CELF4: variants seen among roughly 807,000 people sequenced by gnomAD.
CELF4 encodes the protein CUG-BP- and ETR-3-like factor 4.
A neutral mutation model predicts 59.9 loss-of-function variants in CELF4; 18 were observed. The observed-to-expected ratio is 0.30, with a 90% CI of 0.21 to 0.45. The LOEUF (loss-of-function observed/expected upper bound fraction) is 0.45. CELF4 is among the 20% of genes least tolerant of loss of function. CELF4 has a pLI of 1.00. For synonymous variants in CELF4, 261 were observed against 267.1 expected (o/e 0.98, Z 0.22); for missense variants, 456 against 689.0 (o/e 0.66, Z 3.79).
At chr18:37,517,824 G>T (rs1475111445) in intron 1 of CELF4, among the ~76,000 whole-genome samples, 2 of 152,298 alleles carry the variant, frequency 1.3e-5, no homozygotes, top group African/African-American at 2.4e-5. Context: ...AAGGAAGGAG[G>T]CACCTTCCAT....
intron 9 of CELF4, among the ~76,000 whole-genome samples, chr18:37,264,998 C>T (rs1167929729): frequency 2.0e-5 from 3 of 147,556 alleles, no homozygotes; most frequent in South Asian, 2.2e-4. Flanking sequence ...ACATTACATG[C>T]ATACATGCAT....
chr18:37,408,819 C>T (rs1014794169), intron 2 of CELF4, among the ~76,000 whole-genome samples: 18 of 152,172 alleles, frequency 1.2e-4, no homozygotes, highest in Non-Finnish European at 1.9e-4. Context: ...GTACAGGTAT[C>T]GCCGCCTGCT....
chr18:37,509,900 C>T (rs982683488), intron 1 of CELF4, among the ~76,000 whole-genome samples: 1 of 152,154 alleles, frequency 6.6e-6, no homozygotes, highest in Non-Finnish European at 1.5e-5. Flanking sequence ...TGAAAGAAGC[C>T]AGACACAAGA....
At position 37,274,808 on chromosome 18, in the gene CELF4, C is replaced by A. The variant is rs865904398; in HGVS notation, c.654G>T (p.Met218Ile). Reference protein sequence around the residue: ...AINALHGSQTMPGASSSLVVK... With the variant: ...AINALHGSQTIPGASSSLVVK... ...GCCCCAAGGGGCCAGCACTCACCGG[C>A]ATGGTCTGGCTGCCGTGTAGCGCGT... is the stretch of plus-strand genomic sequence containing the variant. Residue 218 changes from methionine to isoleucine, a missense_variant, in exon 5 of 13, where the codon ATG (methionine) becomes ATT (isoleucine). Transcript: ENST00000420428. 6.3e-7 allele frequency: 1 copy of A among 1,597,820 alleles called. No individual in the cohort carries two copies. Among genetic ancestry groups the A allele is most frequent in the South Asian group, 1.1e-5 (1 of 88,890 alleles).
At chr18:37,491,658 G>C (rs1430872968) in intron 1 of CELF4, among the ~76,000 whole-genome samples, 1 of 152,164 alleles carries the variant, frequency 6.6e-6, no homozygotes, top group East Asian at 1.9e-4. Context: ...GGGAGAAGGA[G>C]TGTGTGGCAG....
chr18:37,291,570 T>C (rs1437239424), intron 3 of CELF4, among the ~76,000 whole-genome samples: 2 of 152,154 alleles, frequency 1.3e-5, no homozygotes, highest in African/African-American at 4.8e-5. Flanking sequence ...GCCTAGTCTC[T>C]CTCCTCAGCT....
At chr18:37,369,030 A>G (rs2098824931) in intron 2 of CELF4, among the ~76,000 whole-genome samples, 1 of 152,130 alleles carries the variant, frequency 6.6e-6, no homozygotes, top group Admixed American at 6.5e-5. Flanking sequence ...TCTAAGGTGG[A>G]TTCCAGAATG....
chr18:37,472,308 C>A (rs2099835528), intron 2 of CELF4, among the ~76,000 whole-genome samples: 1 of 152,352 alleles, frequency 6.6e-6, no homozygotes, highest in East Asian at 1.9e-4. Context: ...GTTTGTTGGC[C>A]CCTCCCTGCG....
intron 2 of CELF4, among the ~76,000 whole-genome samples, chr18:37,439,924 C>T (rs554133206): frequency 1.3e-5 from 2 of 152,308 alleles, no homozygotes; most frequent in East Asian, 3.9e-4. Context: ...AGGAGGTAGA[C>T]ATGAACACTA....
chr18:37,489,167 C>T (rs1420616645), intron 1 of CELF4, among the ~76,000 whole-genome samples: 3 of 152,268 alleles, frequency 2.0e-5, no homozygotes, highest in Non-Finnish European at 4.4e-5. Flanking sequence ...AGTCCATCTC[C>T]AGCCCATCCG....
At chr18:37,343,329 C>G (rs1396362125) in intron 2 of CELF4, among the ~76,000 whole-genome samples, 5 of 127,038 alleles carry the variant, frequency 3.9e-5, no homozygotes, top group South Asian at 3.0e-4. Flanking sequence ...GGTGTTGATT[C>G]TGTGTGTGTG....
chr18:37,390,802 C>CG lies in CELF4; in HGVS notation c.370-68922dup, dbSNP rs1557404633. ...GGGAAGGCTGGTGGTGGTGATGGGG[C>CG]GGGGAGGGGGGGCAGTGCTGCTGGC... On this transcript the variant is annotated intron_variant, in intron 2 of 12. Coordinates refer to ENST00000420428, the MANE Select transcript of CELF4 (RefSeq NM_020180.4). Among the ~76,000 whole-genome samples the CG allele has an allele frequency of 6.1e-3, 351 of 57,774 alleles. 4 individuals carry two copies. Among genetic ancestry groups the CG allele is most frequent in the African/African-American group, 0.03 (329 of 11,092 alleles). 37.9% of individuals were successfully genotyped at this position (57,774 alleles called of 152,430 possible). A position where few individuals can be genotyped will look rare whatever the true frequency, so the allele number is the denominator to read the frequency against.
chr18:37,266,082 C>T (rs908653393), intron 9 of CELF4: 20 of 238,464 alleles, frequency 8.4e-5, no homozygotes, highest in South Asian at 5.9e-4. Context: ...AATGGGGAAA[C>T]GGCATCTCTT....
chr18:37,365,846 T>C (rs2098773833), intron 2 of CELF4, among the ~76,000 whole-genome samples: 1 of 152,146 alleles, frequency 6.6e-6, no homozygotes, highest in Non-Finnish European at 1.5e-5. Flanking sequence ...TCTTGAAAGA[T>C]GATGGACATA....
chr18:37,488,750 C>A (rs2099888634), intron 1 of CELF4, among the ~76,000 whole-genome samples: 1 of 152,208 alleles, frequency 6.6e-6, no homozygotes, highest in Non-Finnish European at 1.5e-5. Context: ...AACCCCTTTC[C>A]TCCCCTTCCA....
intron 3 of CELF4, among the ~76,000 whole-genome samples, chr18:37,280,756 AG>A (rs1733262140): frequency 6.6e-6 from 1 of 152,244 alleles, no homozygotes; most frequent in South Asian, 2.1e-4. Flanking sequence ...CTTTGCAAGA[AG>A]GGGACGCTGA....
intron 2 of CELF4, among the ~76,000 whole-genome samples, chr18:37,389,726 G>A (rs572152452): frequency 1.7e-4 from 26 of 152,270 alleles, no homozygotes; most frequent in African/African-American, 2.4e-4. Flanking sequence ...AGCGTCACAC[G>A]TACAGGAGTG....
In CELF4 at chr18:37,274,326, G is replaced by A; in HGVS notation, c.786C>T (p.Gly262=). The stretch of plus-strand genomic sequence containing the variant: ...TGCCACTTACTGCCTGAGCGTAGGC[G>A]CCGTAGGCCCCGAAAGGGATGGCCA... The part of the protein sequence containing the change: ...NPMAIPFGAY[G]AYAQALMQQQ... Residue 262 remains glycine, a synonymous_variant, in exon 6 of 13, where the codon GGC becomes GGT. Transcript: ENST00000420428. 5 of 1,612,684 alleles carry A rather than the reference G, an allele frequency of 3.1e-6. No individual in the cohort carries two copies. The South Asian group carries it at 5.5e-5, about 18-fold the overall frequency.
chr18:37,354,354 G>A (rs554393199), intron 2 of CELF4, among the ~76,000 whole-genome samples: 222 of 152,206 alleles, frequency 1.5e-3, no homozygotes, highest in Non-Finnish European at 2.7e-3. Context: ...TCATTGCTGG[G>A]GGAAATGAAG....
Sources: gnomAD v4.1 joint callset for allele counts (sites outside exome capture counted in the v4.1 genomes callset) on GRCh38, gnomAD v4.1.1 for gene constraint, MANE v1.5 for transcripts, NCBI Gene and HGNC (gene_info 2026-07-23, HGNC 2026-07-21) for gene names.